Variants in MTMR7 observed in about 807,000 individuals in gnomAD.
The protein encoded by MTMR7 is myotubularin related protein 7.
A neutral mutation model predicts 81.2 loss-of-function variants in MTMR7; 76 were observed. That is an observed-to-expected ratio of 0.94 (90% CI 0.78 to 1.13). The LOEUF (loss-of-function observed/expected upper bound fraction) is 1.13, where lower values mean the gene tolerates loss of function less well. Ranked by LOEUF, MTMR7 falls within the 50% of genes most tolerant of loss-of-function variation. The pLI is 0.00. For missense variants in MTMR7, 1,044 were observed against 820.0 expected (o/e 1.27, Z -3.34); for synonymous variants, 372 against 289.8 (o/e 1.28, Z -2.88).
chr8:17,308,111 G>A lies in MTMR7; in HGVS notation c.1151+1166C>T, dbSNP rs1817579283. On this transcript the variant is annotated intron_variant, in intron 10 of 13. Transcript: ENST00000180173. Reference sequence around the variant, plus strand: ...CATTATGGGAGACTGATTTATATTTGCATAAAGGGAATTTTAGTCTTTTAT... The same window carrying A: ...CATTATGGGAGACTGATTTATATTTACATAAAGGGAATTTTAGTCTTTTAT... Among the ~76,000 whole-genome samples, 4 of 151,990 alleles carry A rather than the reference G, an allele frequency of 2.6e-5. No individual in the cohort carries two copies. In the South Asian group the frequency reaches 6.2e-4, roughly 24 times the overall value.
intron 1 of MTMR7, among the ~76,000 whole-genome samples, chr8:17,400,504 C>A (rs1013629408): frequency 4.6e-5 from 7 of 152,190 alleles, no homozygotes; most frequent in Non-Finnish European, 1.0e-4. Context: ...AATGCTATCT[C>A]CAGGCCCTCT....
At chr8:17,302,014 G>C in intron 13 of MTMR7, 140 bp downstream of exon 13, 2 of 1,099,162 alleles carry the variant, frequency 1.8e-6, no homozygotes, top group South Asian at 1.5e-5. Context: ...TCCTGACCTG[G>C]ATGGGGTTGT....
chr8:17,306,212 T>C (rs1035325402), intron 10 of MTMR7, among the ~76,000 whole-genome samples: 1 of 152,124 alleles, frequency 6.6e-6, no homozygotes, highest in Non-Finnish European at 1.5e-5. Flanking sequence ...AGAAATAAAA[T>C]TCAAAGACAC....
chr8:17,380,141 T>C, intron 1 of MTMR7, among the ~76,000 whole-genome samples: 1 of 152,138 alleles, frequency 6.6e-6, no homozygotes, highest in East Asian at 1.9e-4. Flanking sequence ...CTGGCAGAAA[T>C]TCTGTGGAAA....
At chr8:17,395,929 T>G (rs1821232271) in intron 1 of MTMR7, among the ~76,000 whole-genome samples, 1 of 152,236 alleles carries the variant, frequency 6.6e-6, no homozygotes, top group Admixed American at 6.5e-5. Flanking sequence ...TACAACATTC[T>G]TCTCATACTG....
chr8:17,407,465 A>G (rs760792666), intron 1 of MTMR7, among the ~76,000 whole-genome samples: 14 of 152,308 alleles, frequency 9.2e-5, no homozygotes, highest in Non-Finnish European at 2.1e-4. Context: ...ATCTTCTTTG[A>G]CACAGTAATT....
At chr8:17,303,539 G>T (rs181536202) in intron 12 of MTMR7, among the ~76,000 whole-genome samples, 2 of 151,750 alleles carry the variant, frequency 1.3e-5, no homozygotes, top group Admixed American at 6.6e-5. Flanking sequence ...AAAAACATAC[G>T]TATCTAGCAC....
chr8:17,387,137 T>G (rs1326213583), intron 1 of MTMR7, among the ~76,000 whole-genome samples: 4 of 152,248 alleles, frequency 2.6e-5, no homozygotes, highest in Non-Finnish European at 4.4e-5. Flanking sequence ...TCACTGATCA[T>G]TCTTCCCAGG....
chr8:17,358,371 C>T (rs1485091638), intron 4 of MTMR7, among the ~76,000 whole-genome samples: 1 of 152,122 alleles, frequency 6.6e-6, no homozygotes, highest in Non-Finnish European at 1.5e-5. Flanking sequence ...TTAATCATTA[C>T]GTGCTAAGCA....
intron 6 of MTMR7, among the ~76,000 whole-genome samples, chr8:17,339,148 G>A (rs1210304463): frequency 2.0e-5 from 3 of 152,058 alleles, no homozygotes; most frequent in Admixed American, 6.6e-5. Flanking sequence ...AGTGTAGACC[G>A]TGTCTATAAT....
intron 6 of MTMR7, among the ~76,000 whole-genome samples, chr8:17,335,724 C>A (rs987197210): frequency 2.0e-5 from 3 of 152,244 alleles, no homozygotes; most frequent in African/African-American, 7.2e-5. Flanking sequence ...TTCCTTGCAA[C>A]TATTCTCTAC....
At chr8:17,303,925 A>G (rs1030590985) in intron 12 of MTMR7, among the ~76,000 whole-genome samples, 16 of 152,240 alleles carry the variant, frequency 1.1e-4, no homozygotes, top group African/African-American at 3.9e-4. Context: ...GACTTAATTC[A>G]GTGGAGACAA....
Position 17,349,808 on chromosome 8 carries a change from A to G in MTMR7, c.469-727T>C, listed in dbSNP as rs563071026. Among the ~76,000 whole-genome samples the G allele has an allele frequency of 8.5e-5, 13 of 152,310 alleles. No individual in the cohort carries two copies. In the East Asian group the frequency reaches 2.3e-3, roughly 27 times the overall value. ...ACGCATTCCTGAGAGTGACTACCAC[A>G]GTGGAAGGGTGCCTTGGAAGGATCT... is the stretch of plus-strand genomic sequence containing the variant. On this transcript the variant is annotated intron_variant, in intron 4 of 13. Transcript: ENST00000180173.
chr8:17,349,505 G>C, intron 4 of MTMR7: 1 of 172,124 alleles, frequency 5.8e-6, no homozygotes, highest in Non-Finnish European at 1.3e-5. Flanking sequence ...AAGCCAGCAG[G>C]TTAACTCTGT....
intron 7 of MTMR7, among the ~76,000 whole-genome samples, chr8:17,320,699 G>A (rs1818338746): frequency 1.3e-5 from 2 of 152,200 alleles, no homozygotes; most frequent in Non-Finnish European, 1.5e-5. Flanking sequence ...CGGCCCTTCT[G>A]GAGATCTGAT....
At chr8:17,412,972 A>T (rs540840623) in intron 1 of MTMR7, among the ~76,000 whole-genome samples, 5 of 152,194 alleles carry the variant, frequency 3.3e-5, no homozygotes, top group Non-Finnish European at 7.3e-5. Flanking sequence ...GTTGATCTAC[A>T]CCCAGTTACT....
chr8:17,339,836 T>C (rs564140944), intron 6 of MTMR7, among the ~76,000 whole-genome samples: 2 of 152,356 alleles, frequency 1.3e-5, no homozygotes, highest in East Asian at 3.9e-4. Context: ...TTTTACCTTT[T>C]CTATAGTGAA....
intron 10 of MTMR7, among the ~76,000 whole-genome samples, chr8:17,308,906 A>C (rs1329028639): frequency 6.6e-6 from 1 of 152,226 alleles, no homozygotes. Flanking sequence ...GATCAAAGAG[A>C]AACTGTTCCA....
At chr8:17,398,397 C>T (rs1049249656) in intron 1 of MTMR7, among the ~76,000 whole-genome samples, 1 of 152,012 alleles carries the variant, frequency 6.6e-6, no homozygotes, top group African/African-American at 2.4e-5. Context: ...TTGAAAAATG[C>T]AATTGCTATA....
Sources: allele counts gnomAD v4.1 joint callset (sites outside exome capture counted in the v4.1 genomes callset), GRCh38; gene constraint gnomAD v4.1.1; transcripts MANE v1.5; gene names NCBI Gene and HGNC (gene_info 2026-07-23, HGNC 2026-07-21).